The following SNTG1 variants were observed in gnomAD, a reference collection of about 807,000 sequenced individuals.
SNTG1 encodes syntrophin gamma 1.
In SNTG1, 39 loss-of-function variants were observed where a neutral mutation model predicts 74.7. That is an observed-to-expected ratio of 0.52 (90% CI 0.40 to 0.68). SNTG1 has a LOEUF of 0.68. SNTG1 is among the 30% of genes least tolerant of loss of function. The pLI is 0.00. For missense variants in SNTG1, 685 were observed against 609.5 expected (o/e 1.12, Z -1.30); for synonymous variants, 254 against 217.1 (o/e 1.17, Z -1.49).
In SNTG1 at chr8:50,442,247, T is replaced by C. The variant is rs116211601; in HGVS notation, c.219+3648T>C. ...CTTTCTTGTCTCATTCTACAGTTATTCTTTCATTGCTGTTTAGCAACTGTA... is the reference window on the plus strand; with the variant it reads ...CTTTCTTGTCTCATTCTACAGTTATCCTTTCATTGCTGTTTAGCAACTGTA... On this transcript the variant is annotated intron_variant, in intron 5 of 18. Coordinates refer to ENST00000642720, the MANE Select transcript of SNTG1 (RefSeq NM_018967.5). Among the ~76,000 whole-genome samples the C allele has an allele frequency of 5.0e-3, 768 of 152,332 alleles. 14 individuals are homozygous for C. Among genetic ancestry groups the C allele is most frequent in the African/African-American group, 0.018 (739 of 41,584 alleles).
intron 8 of SNTG1, chr8:50,456,977 T>G (rs926010173): frequency 6.6e-6 from 1 of 152,046 alleles, no homozygotes; most frequent in Admixed American, 6.6e-5. Context: ...TTATACAAAT[T>G]CCAAAATTTT....
At chr8:50,308,890 A>G (rs1226851278) in intron 2 of SNTG1, among the ~76,000 whole-genome samples, 5 of 151,356 alleles carry the variant, frequency 3.3e-5, no homozygotes, top group African/African-American at 1.2e-4. Context: ...AGTTATACAA[A>G]TGATGTTTTG....
intron 4 of SNTG1, among the ~76,000 whole-genome samples, chr8:50,410,115 G>A (rs1319721635): frequency 1.1e-4 from 17 of 152,110 alleles, no homozygotes; most frequent in Non-Finnish European, 1.2e-4. Flanking sequence ...ATTTGTACTG[G>A]CTTTCACATG....
chr8:50,715,178 G>A (rs949257823), intron 17 of SNTG1, among the ~76,000 whole-genome samples: 2 of 152,076 alleles, frequency 1.3e-5, no homozygotes, highest in Non-Finnish European at 2.9e-5. Flanking sequence ...GCTGCAACTC[G>A]GGAGTCACAG....
In SNTG1 at chr8:50,776,723, A is replaced by T. The variant is rs1165364414; in HGVS notation, c.1396-15948A>T. Among the ~76,000 whole-genome samples, 4 of 151,614 alleles carry T rather than the reference A, an allele frequency of 2.6e-5. No individual in the cohort carries two copies. In the East Asian group the frequency reaches 5.8e-4, roughly 22 times the overall value. ...CCTAAGTTCCAAGATAGCTTCTATA[A>T]TTATTTTCTCTTTTTGTCCTTTTTA... On this transcript the variant is annotated intron_variant, in intron 18 of 18. Coordinates refer to ENST00000642720, the MANE Select transcript of SNTG1 (RefSeq NM_018967.5).
chr8:50,792,528 G>A (rs139891010), intron 18 of SNTG1, 143 bp from the exon 19 acceptor site: 52 of 852,660 alleles, frequency 6.1e-5, no homozygotes, highest in Non-Finnish European at 8.6e-5. Flanking sequence ...GACCAAAAAT[G>A]TCTACATTTG....
intron 1 of SNTG1, among the ~76,000 whole-genome samples, chr8:50,112,568 G>A (rs1408183823): frequency 7.5e-6 from 1 of 133,678 alleles, no homozygotes; most frequent in East Asian, 2.2e-4. Context: ...TGTCACCCAG[G>A]CTGGAGTGCA....
intron 1 of SNTG1, among the ~76,000 whole-genome samples, chr8:49,998,754 C>T (rs925540139): frequency 1.3e-5 from 2 of 151,964 alleles, no homozygotes; most frequent in Non-Finnish European, 2.9e-5. Flanking sequence ...ATAATGATGC[C>T]TTCATCTGGA....
chr8:50,247,531 A>T (rs996522512), intron 2 of SNTG1, among the ~76,000 whole-genome samples: 3 of 152,146 alleles, frequency 2.0e-5, no homozygotes, highest in African/African-American at 7.2e-5. Flanking sequence ...AATTTTAGAG[A>T]CAAATACTCT....
intron 1 of SNTG1, among the ~76,000 whole-genome samples, chr8:50,134,116 A>G (rs1007715092): frequency 4.6e-5 from 7 of 152,146 alleles, no homozygotes; most frequent in Admixed American, 1.3e-4. Flanking sequence ...ATGGAACTCA[A>G]TCTATGGTGG....
intron 2 of SNTG1, among the ~76,000 whole-genome samples, chr8:50,334,340 T>G (rs1345486222): frequency 6.6e-6 from 1 of 152,168 alleles, no homozygotes; most frequent in Non-Finnish European, 1.5e-5. Flanking sequence ...TAAAGCAAAG[T>G]TGTTTTAAGC....
intron 5 of SNTG1, among the ~76,000 whole-genome samples, chr8:50,445,860 G>T (rs370818694): frequency 1.2e-4 from 19 of 152,274 alleles, no homozygotes; most frequent in East Asian, 1.2e-3. Context: ...TGATCAAATT[G>T]TTACCAGAAT....
At chr8:50,445,198 C>A (rs1360361105) in intron 5 of SNTG1, among the ~76,000 whole-genome samples, 1 of 152,134 alleles carries the variant, frequency 6.6e-6, no homozygotes, top group Admixed American at 6.5e-5. Flanking sequence ...CGATAGCATC[C>A]AGAAGGATGA....
At chr8:49,926,515 A>G (rs1485110116) in intron 1 of SNTG1, among the ~76,000 whole-genome samples, 1 of 152,156 alleles carries the variant, frequency 6.6e-6, no homozygotes, top group Non-Finnish European at 1.5e-5. Context: ...ACAAATAAAT[A>G]TGAAACAACT....
At chr8:50,761,448 G>T (rs769991889) in intron 18 of SNTG1, among the ~76,000 whole-genome samples, 6 of 151,838 alleles carry the variant, frequency 4.0e-5, no homozygotes, top group Non-Finnish European at 7.4e-5. Flanking sequence ...AGTCACCCCC[G>T]CTTAGGTTGG....
At chr8:50,768,671 TC>T (rs1242331332) in intron 18 of SNTG1, among the ~76,000 whole-genome samples, 2 of 152,020 alleles carry the variant, frequency 1.3e-5, no homozygotes, top group Admixed American at 6.6e-5. Flanking sequence ...AATTCCAAGA[TC>T]CCTTTCCCTC....
intron 1 of SNTG1, among the ~76,000 whole-genome samples, chr8:49,939,110 G>C (rs578019645): frequency 1.3e-5 from 2 of 152,074 alleles, no homozygotes; most frequent in Admixed American, 1.3e-4. Flanking sequence ...ATTTAGTACT[G>C]CAGACTGTTT....
At chr8:50,403,418 T>C (rs1205274581) in intron 4 of SNTG1, among the ~76,000 whole-genome samples, 1 of 152,198 alleles carries the variant, frequency 6.6e-6, no homozygotes, top group Non-Finnish European at 1.5e-5. Context: ...ATCATGGGCC[T>C]GGATGTCAAG....
chr8:50,075,953 A>G (rs574018893), intron 1 of SNTG1, among the ~76,000 whole-genome samples: 2 of 152,178 alleles, frequency 1.3e-5, no homozygotes, highest in South Asian at 2.1e-4. Context: ...AACACTCACC[A>G]CAAGGGTCTG....
Sources: gnomAD v4.1 joint callset for allele counts (sites outside exome capture counted in the v4.1 genomes callset) on GRCh38, gnomAD v4.1.1 for gene constraint, MANE v1.5 for transcripts, NCBI Gene and HGNC (gene_info 2026-07-23, HGNC 2026-07-21) for gene names.